Variants in WNT3A observed in about 807,000 individuals in gnomAD.
WNT3A encodes the protein protein Wnt-3a.
A neutral mutation model predicts 37.0 loss-of-function variants in WNT3A; 17 were observed. The ratio of observed to expected loss-of-function variants is 0.46; its 90% CI spans 0.31 to 0.69. The LOEUF is 0.69. WNT3A is among the 30% of genes least tolerant of loss of function. The probability of loss-of-function intolerance (pLI) is 0.05; values close to 1 mark genes in which losing one functional copy is unlikely to be tolerated. For synonymous variants in WNT3A, 187 were observed against 211.0 expected, an observed-to-expected ratio of 0.89 and a Z score of 0.99; for missense variants, 411 against 510.2, an observed-to-expected ratio of 0.81 and a Z score of 1.87.
chr1:228,019,980 C>T (rs1438829480), intron 1 of WNT3A, among the ~76,000 whole-genome samples: 14 of 152,232 alleles, frequency 9.2e-5, no homozygotes, highest in Non-Finnish European at 1.5e-4. Flanking sequence ...AATCCCAGCA[C>T]TTTGGGAGGC....
At chr1:228,041,362 T>C (rs186665782) in intron 2 of WNT3A, among the ~76,000 whole-genome samples, 43 of 152,046 alleles carry the variant, frequency 2.8e-4, no homozygotes, top group Middle Eastern at 3.4e-3. Context: ...TCCCTCACCT[T>C]CTCCGACTTT....
intron 1 of WNT3A, among the ~76,000 whole-genome samples, chr1:228,014,697 C>T (rs999104407): frequency 2.0e-5 from 3 of 152,256 alleles, no homozygotes; most frequent in African/African-American, 7.2e-5. Flanking sequence ...CAAACCAAGC[C>T]GGGGAGGCCA....
intron 2 of WNT3A, among the ~76,000 whole-genome samples, chr1:228,036,227 C>T (rs1160522716): frequency 4.6e-5 from 7 of 152,224 alleles, no homozygotes; most frequent in African/African-American, 9.7e-5. Flanking sequence ...GTTAAAAACC[C>T]TCAGTCAGCT....
intron 1 of WNT3A, among the ~76,000 whole-genome samples, chr1:228,019,332 G>T (rs1241266087): frequency 1.3e-5 from 2 of 152,320 alleles, no homozygotes; most frequent in East Asian, 3.9e-4. Context: ...ATCTAGCCTC[G>T]GAGAAGGGAT....
intron 2 of WNT3A, among the ~76,000 whole-genome samples, chr1:228,048,635 C>T (rs767849382): frequency 1.7e-4 from 26 of 152,054 alleles, no homozygotes; most frequent in Non-Finnish European, 3.5e-4. Flanking sequence ...TGTAATCATA[C>T]CTCACTGCAG....
intron 3 of WNT3A, among the ~76,000 whole-genome samples, chr1:228,056,558 GAGA>G (rs2031686249): frequency 1.3e-5 from 2 of 152,192 alleles, no homozygotes; most frequent in South Asian, 2.1e-4. Flanking sequence ...TAAGAGCAAG[GAGA>G]AGATTTGGAG....
chr1:228,060,717 C>T lies in WNT3A; in HGVS notation c.*1252C>T, dbSNP rs1013463541. The T allele has an allele frequency of 1.2e-5, 2 of 162,030 alleles. No homozygotes were observed. The highest frequency in any genetic ancestry group is 1.2e-4 in the Admixed American group (2 of 16,598). The allele number at this position is 162,030 out of a possible 1,614,324, so 10.0% of individuals were successfully genotyped here. A position where few individuals can be genotyped will look rare whatever the true frequency, so the allele number is the denominator to read the frequency against. ...CCCTCGGGTCTCCCCACCTGCACTC[C>T]ATCCAGCTACAGGAGAGATAGAAGC... On this transcript the variant is annotated 3_prime_UTR_variant, in exon 4 of 4. Transcript: ENST00000284523.
intron 1 of WNT3A, among the ~76,000 whole-genome samples, chr1:228,021,589 G>A (rs1022358311): frequency 8.5e-5 from 13 of 152,154 alleles, no homozygotes; most frequent in African/African-American, 2.4e-4. Flanking sequence ...TCCTATTGAC[G>A]GATGCTTGGG....
Position 228,014,738 on chromosome 1 carries a change from C to T in WNT3A, c.71+7539C>T, listed in dbSNP as rs373471182. Among the ~76,000 whole-genome samples the T allele has an allele frequency of 1.0e-3, 155 of 152,378 alleles. 4 individuals carry two copies. The South Asian group carries it at 0.031, about 31-fold the overall frequency. On this transcript the variant is annotated intron_variant, in intron 1 of 3. Coordinates refer to ENST00000284523, the MANE Select transcript of WNT3A (RefSeq NM_033131.4). The stretch of plus-strand genomic sequence containing the variant: ...GCCCGGACTGGGCTGGCCTACCGCC[C>T]GCCTTGTGGTCCTGGGCCAGCCTCC...
chr1:228,007,228 G>T lies in WNT3A; in HGVS notation c.71+29G>T. 1 of 1,585,064 alleles carries T rather than the reference G, an allele frequency of 6.3e-7. No homozygotes were observed. Among genetic ancestry groups the T allele is most frequent in the Non-Finnish European group, 8.6e-7 (1 of 1,166,222 alleles). ...AGTGAGCCTCCTCGCGTTCGCCCCT[G>T]CCCCTGTGCGCCGCGCCCGCAGCAG... On this transcript the variant is annotated intron_variant, in intron 1 of 3. Transcript: ENST00000284523. The surrounding 1 kb of genome is among the most constrained non-coding windows in gnomAD (Gnocchi z 6.0).
rs2031305703 is a variant in WNT3A at position 228,042,432 on chromosome 1, GGATGAATGGAT to G, written c.314-8219_314-8209del. Among the ~76,000 whole-genome samples, 2 of 151,906 alleles carry G rather than the reference GGATGAATGGAT, an allele frequency of 1.3e-5. No individual in the cohort carries two copies. The highest frequency in any genetic ancestry group is 1.3e-4 in the Admixed American group (2 of 15,246). On this transcript the variant is annotated intron_variant, in intron 2 of 3. Coordinates refer to ENST00000284523, the MANE Select transcript of WNT3A (RefSeq NM_033131.4). This position sits in a 1 kb window ranked among gnomAD's most constrained non-coding sequence, Gnocchi z 5.2. ...GATGGATGGTGGGTGGTGGATAGAT[GGATGAATGGAT>G]GATGGGTGGATGATGGATGAATGGT...
At chr1:228,041,608 A>T (rs1269901608) in intron 2 of WNT3A, among the ~76,000 whole-genome samples, 1 of 151,912 alleles carries the variant, frequency 6.6e-6, no homozygotes, top group East Asian at 1.9e-4. Flanking sequence ...TCCATCATCT[A>T]TCCACCCACC....
chr1:228,016,964 ACCT>A (rs1359530147), intron 1 of WNT3A, among the ~76,000 whole-genome samples: 1 of 151,636 alleles, frequency 6.6e-6, no homozygotes, highest in Admixed American at 6.6e-5. Flanking sequence ...ACTAGGCCCC[ACCT>A]CCAACACTGG....
Position 228,032,000 on chromosome 1 carries a change from T to C in WNT3A, c.313+9092T>C, listed in dbSNP as rs865880433. ...ACCAGGTGATGGAGGAAGGCTGTGC[T>C]GCATGGGGTCAGAGGGGAACATGCC... On this transcript the variant is annotated intron_variant, in intron 2 of 3. Transcript: ENST00000284523. This position sits in a 1 kb window ranked among gnomAD's most constrained non-coding sequence, Gnocchi z 4.8. 1.3e-5 allele frequency among the ~76,000 whole-genome samples: 2 copies of C among 152,286 alleles called. No homozygotes were observed. The highest frequency in any genetic ancestry group is 3.4e-3 in the Middle Eastern group (1 of 294).
chr1:228,051,669 T>C (rs1199482686), intron 3 of WNT3A, among the ~76,000 whole-genome samples: 2 of 152,060 alleles, frequency 1.3e-5, no homozygotes, highest in Non-Finnish European at 2.9e-5. Context: ...TATAAGGGCA[T>C]TGTTTTAGGC....
At position 228,060,085 on chromosome 1, in the gene WNT3A, G is replaced by C. The variant is rs2031770541; in HGVS notation, c.*620G>C. The C allele has an allele frequency of 4.8e-6, 6 of 1,242,516 alleles. No homozygotes were observed. Among genetic ancestry groups the C allele is most frequent in the Non-Finnish European group, 6.2e-6 (6 of 965,942 alleles). 77.0% of individuals were successfully genotyped at this position (1,242,516 alleles called of 1,614,324 possible). ...CTCTGGGTGGGCGTGGCCTGCATAGGCTCCTTCCTGTGGGTGGGGCTTCTC... is the reference window on the plus strand; with the variant it reads ...CTCTGGGTGGGCGTGGCCTGCATAGCCTCCTTCCTGTGGGTGGGGCTTCTC... On this transcript the variant is annotated 3_prime_UTR_variant, in exon 4 of 4. Transcript: ENST00000284523.
intron 1 of WNT3A, 141 bp from the exon 2 acceptor site, chr1:228,022,525 TA>T: frequency 1.8e-6 from 2 of 1,119,906 alleles, no homozygotes; most frequent in Non-Finnish European, 2.5e-6. Context: ...ACTTGCAAAA[TA>T]AAAAATCAGA....
chr1:228,055,177 AAAATATATATATATAT>A (rs1402073739), intron 3 of WNT3A, among the ~76,000 whole-genome samples: 5 of 41,494 alleles, frequency 1.2e-4, no homozygotes, highest in South Asian at 1.9e-3. Context: ...AAAAAAAAAA[AAAATATATATATATAT>A]ATATATATAT....
intron 1 of WNT3A, among the ~76,000 whole-genome samples, chr1:228,019,607 C>T (rs1407012790): frequency 1.3e-5 from 2 of 152,198 alleles, no homozygotes; most frequent in African/African-American, 4.8e-5. Flanking sequence ...TACAACATTC[C>T]ATTAGGAAAA....
Sources: allele counts gnomAD v4.1 joint callset (sites outside exome capture counted in the v4.1 genomes callset), GRCh38; gene constraint gnomAD v4.1.1; non-coding constraint Gnocchi (gnomAD v3.1); transcripts MANE v1.5; gene names NCBI Gene and HGNC (gene_info 2026-07-23, HGNC 2026-07-21).